Variants in GMDS observed in about 807,000 individuals in gnomAD.
GMDS encodes the protein GDP-mannose 4,6 dehydratase.
In GMDS, 20 loss-of-function variants were observed where a neutral mutation model predicts 49.9. The ratio of observed to expected loss-of-function variants is 0.40; its 90% CI spans 0.28 to 0.58. The LOEUF (loss-of-function observed/expected upper bound fraction) is 0.58. Ranked by LOEUF, GMDS falls within the 20% of genes least tolerant of loss-of-function variation. The pLI is 0.42. For missense variants in GMDS, 362 were observed against 481.4 expected (o/e 0.75, Z 2.32); for synonymous variants, 177 against 178.6 (o/e 0.99, Z 0.07).
At chr6:2,034,944 G>A (rs1285213692) in intron 4 of GMDS, among the ~76,000 whole-genome samples, 1 of 152,122 alleles carries the variant, frequency 6.6e-6, no homozygotes, top group African/African-American at 2.4e-5. Flanking sequence ...AACCCAGCCT[G>A]AGGATGGTTG....
intron 7 of GMDS, among the ~76,000 whole-genome samples, chr6:1,829,298 T>G (rs1402451673): frequency 6.6e-6 from 1 of 152,248 alleles, no homozygotes; most frequent in Admixed American, 6.5e-5. Context: ...GATACGTGTG[T>G]GTATCTATGT....
intron 9 of GMDS, among the ~76,000 whole-genome samples, chr6:1,645,545 T>C (rs1466039421): frequency 1.3e-5 from 2 of 152,248 alleles, no homozygotes; most frequent in Non-Finnish European, 2.9e-5. Context: ...TGTGCTGTCC[T>C]TGCCTTGCCT....
intron 9 of GMDS, among the ~76,000 whole-genome samples, chr6:1,629,703 G>A (rs1222721733): frequency 2.0e-5 from 3 of 152,182 alleles, no homozygotes; most frequent in Admixed American, 6.5e-5. Context: ...AGATGACTCC[G>A]GACGTGCGGT....
Position 1,823,968 on chromosome 6 carries a change from C to G in GMDS, c.772-81382G>C, listed in dbSNP as rs535316746. ...CCTTCACTGGGGTATTCCCAGCATA[C>G]TAGTACTTCACACTCAGGCTGTTCT... On this transcript the variant is annotated intron_variant, in intron 7 of 10. Coordinates refer to ENST00000380815, the MANE Select transcript of GMDS (RefSeq NM_001500.4). 3.3e-5 allele frequency among the ~76,000 whole-genome samples: 5 copies of G among 152,258 alleles called. No individual in the cohort carries two copies. The South Asian group carries it at 1.0e-3, about 32-fold the overall frequency.
At chr6:1,733,023 C>A (rs1274212037) in intron 8 of GMDS, among the ~76,000 whole-genome samples, 2 of 152,162 alleles carry the variant, frequency 1.3e-5, no homozygotes, top group Non-Finnish European at 2.9e-5. Context: ...TGAGCTCTGC[C>A]CCAGAGATGG....
chr6:1,624,080 G>A lies in GMDS; in HGVS notation c.*89C>T. ...GGGGCCGCAGGGGACCCGCAGATTG[G>A]CACGCCGCTCCCCATCCCCGCAGCG... On this transcript the variant is annotated 3_prime_UTR_variant, in exon 11 of 11. Coordinates refer to ENST00000380815, the MANE Select transcript of GMDS (RefSeq NM_001500.4). The A allele has an allele frequency of 8.3e-7, 1 of 1,208,306 alleles. No homozygotes were observed. The highest frequency in any genetic ancestry group is 2.2e-4 in the Middle Eastern group (1 of 4,594). 74.8% of individuals were successfully genotyped at this position (1,208,306 alleles called of 1,614,324 possible). A position where few individuals can be genotyped will look rare whatever the true frequency, so the allele number is the denominator to read the frequency against.
chr6:2,163,365 G>A (rs1777501403), intron 1 of GMDS, among the ~76,000 whole-genome samples: 1 of 152,112 alleles, frequency 6.6e-6, no homozygotes, highest in Non-Finnish European at 1.5e-5. Flanking sequence ...ACACTAAATA[G>A]CTGTGTTAGT....
intron 7 of GMDS, among the ~76,000 whole-genome samples, chr6:1,838,572 G>A (rs889741197): frequency 6.6e-5 from 10 of 152,176 alleles, no homozygotes; most frequent in Non-Finnish European, 1.3e-4. Context: ...ACTTGGCAAT[G>A]CAAATAAAAT....
intron 9 of GMDS, among the ~76,000 whole-genome samples, chr6:1,658,526 T>C (rs1221259588): frequency 6.6e-6 from 1 of 152,272 alleles, no homozygotes; most frequent in East Asian, 1.9e-4. Flanking sequence ...GAATGCTTCC[T>C]CTACTGTATG....
At chr6:2,153,821 T>C (rs936217801) in intron 1 of GMDS, among the ~76,000 whole-genome samples, 2 of 152,168 alleles carry the variant, frequency 1.3e-5, no homozygotes, top group Admixed American at 6.5e-5. Context: ...CGACAAGTTA[T>C]ATACATGTGC....
chr6:2,015,908 G>C (rs1767861373), intron 4 of GMDS, among the ~76,000 whole-genome samples: 1 of 151,886 alleles, frequency 6.6e-6, no homozygotes, highest in Admixed American at 6.6e-5. Flanking sequence ...AGCAACCTCA[G>C]TTTATGGTTT....
At chr6:1,857,584 T>C (rs1313788343) in intron 7 of GMDS, among the ~76,000 whole-genome samples, 1 of 152,188 alleles carries the variant, frequency 6.6e-6, no homozygotes, top group Non-Finnish European at 1.5e-5. Context: ...TGGTTAAATA[T>C]ATTTGCTTCC....
At chr6:2,069,787 T>G (rs1287453298) in intron 4 of GMDS, among the ~76,000 whole-genome samples, 1 of 152,014 alleles carries the variant, frequency 6.6e-6, no homozygotes, top group African/African-American at 2.4e-5. Context: ...GGAGAGGATG[T>G]GGAGAAATAG....
chr6:2,198,109 T>C (rs1240227665), intron 1 of GMDS, among the ~76,000 whole-genome samples: 2 of 152,150 alleles, frequency 1.3e-5, no homozygotes, highest in Admixed American at 6.5e-5. Context: ...TGTGTGAAAT[T>C]TACTAAAATA....
intron 9 of GMDS, among the ~76,000 whole-genome samples, chr6:1,678,507 T>C (rs2113300587): frequency 6.6e-6 from 1 of 152,244 alleles, no homozygotes; most frequent in East Asian, 1.9e-4. Context: ...CTTCTTGTTG[T>C]GGGGGCTGAG....
chr6:1,976,522 C>CTTCT (rs1764911968), intron 4 of GMDS, among the ~76,000 whole-genome samples: 1 of 152,174 alleles, frequency 6.6e-6, no homozygotes, highest in Non-Finnish European at 1.5e-5. Flanking sequence ...TTCCAAAAGG[C>CTTCT]TTCTTCCTCT....
chr6:2,067,322 A>C (rs1474563640), intron 4 of GMDS, among the ~76,000 whole-genome samples: 2 of 151,504 alleles, frequency 1.3e-5, no homozygotes, highest in Non-Finnish European at 3.0e-5. Context: ...GGAAAGATCC[A>C]AAATTGACAC....
chr6:1,868,102 T>C (rs1038933651), intron 7 of GMDS, among the ~76,000 whole-genome samples: 15 of 152,116 alleles, frequency 9.9e-5, no homozygotes, highest in African/African-American at 3.4e-4. Flanking sequence ...TTCTCCTGCT[T>C]CAGCCTCCTG....
rs78811010 is a variant in GMDS at position 1,836,192 on chromosome 6, T to A, written c.772-93606A>T. Among the ~76,000 whole-genome samples, 354 of 152,320 alleles carry A rather than the reference T, an allele frequency of 2.3e-3. 1 individual carries two copies. Among genetic ancestry groups the A allele is most frequent in the South Asian group, 6.4e-3 (31 of 4,828 alleles). ...TCGTTTGCTTTATTTTTTAAGTACGTTTTTGATTCACTAGTATCTTGTCAT... is the reference window on the plus strand; with the variant it reads ...TCGTTTGCTTTATTTTTTAAGTACGATTTTGATTCACTAGTATCTTGTCAT... On this transcript the variant is annotated intron_variant, in intron 7 of 10. Transcript: ENST00000380815. The surrounding 1 kb of genome is among the most constrained non-coding windows in gnomAD (Gnocchi z 4.2).
Sources: gnomAD v4.1 joint callset for allele counts (sites outside exome capture counted in the v4.1 genomes callset) on GRCh38, gnomAD v4.1.1 for gene constraint, Gnocchi (gnomAD v3.1) non-coding constraint, MANE v1.5 for transcripts, NCBI Gene and HGNC (gene_info 2026-07-23, HGNC 2026-07-21) for gene names.